The following ZMAT4 variants were observed in gnomAD, a reference collection of about 807,000 sequenced individuals.
ZMAT4 encodes the protein zinc finger matrin-type 4, also known as zinc finger matrin-type protein 4.
A neutral mutation model predicts 28.7 loss-of-function variants in ZMAT4; 17 were observed. That is an observed-to-expected ratio of 0.59 (90% CI 0.41 to 0.89). ZMAT4 has a LOEUF of 0.89. Among genes scored for constraint, ZMAT4 ranks in the 40% least tolerant of loss-of-function variants. ZMAT4 has a pLI of 0.00. For missense variants in ZMAT4, 240 were observed against 283.8 expected (o/e 0.85, Z 1.11); for synonymous variants, 117 against 109.2 (o/e 1.07, Z -0.44).
At chr8:40,549,415 A>G (rs569050301) in intron 6 of ZMAT4, among the ~76,000 whole-genome samples, 1 of 152,314 alleles carries the variant, frequency 6.6e-6, no homozygotes, top group East Asian at 1.9e-4. Flanking sequence ...GCCTTGAATT[A>G]TCTTTTGGCT....
chr8:40,647,484 C>T (rs897935888), intron 5 of ZMAT4, among the ~76,000 whole-genome samples: 131 of 152,270 alleles, frequency 8.6e-4, no homozygotes, highest in African/African-American at 3.0e-3. Context: ...TGCAAGGTGG[C>T]AGCGAGGCTG....
chr8:40,654,468 G>A (rs1187115903), intron 5 of ZMAT4, among the ~76,000 whole-genome samples: 1 of 152,028 alleles, frequency 6.6e-6, no homozygotes, highest in Non-Finnish European at 1.5e-5. Flanking sequence ...CTATAGGTCT[G>A]TATTACCCTG....
At chr8:40,591,221 G>C (rs762500790) in intron 5 of ZMAT4, among the ~76,000 whole-genome samples, 17 of 152,224 alleles carry the variant, frequency 1.1e-4, no homozygotes, top group Non-Finnish European at 1.8e-4. Context: ...CATGTATGAA[G>C]GTGGTGTAGG....
chr8:40,542,293 C>T (rs117098521), intron 6 of ZMAT4, among the ~76,000 whole-genome samples: 5,759 of 152,110 alleles, frequency 0.038, 213 homozygotes, highest in East Asian at 0.17. Flanking sequence ...TGTGGGCCAC[C>T]GAGGGGTCAG....
At chr8:40,637,898 C>T (rs570709706) in intron 5 of ZMAT4, among the ~76,000 whole-genome samples, 2 of 152,188 alleles carry the variant, frequency 1.3e-5, no homozygotes, top group South Asian at 4.1e-4. Context: ...GAAAAATGGT[C>T]ATTTTCAACA....
intron 2 of ZMAT4, among the ~76,000 whole-genome samples, chr8:40,782,279 G>T (rs1813869129): frequency 6.6e-6 from 1 of 152,050 alleles, no homozygotes; most frequent in Admixed American, 6.6e-5. Context: ...CCAGCTGCTT[G>T]GAAGGCTGAG....
In ZMAT4 at chr8:40,651,801, T is replaced by C. The variant is rs533529587; in HGVS notation, c.577+22903A>G. ...CGCATATCTACAACTATCTGATCTT[T>C]GACAAACCTGACAAAAACAAGCAAT... is the stretch of plus-strand genomic sequence containing the variant. On this transcript the variant is annotated intron_variant, in intron 5 of 6. Coordinates refer to ENST00000297737, the MANE Select transcript of ZMAT4 (RefSeq NM_024645.3). Among the ~76,000 whole-genome samples the C allele has an allele frequency of 1.3e-3, 180 of 141,108 alleles. 1 individual carries two copies. Among genetic ancestry groups the C allele is most frequent in the African/African-American group, 3.8e-3 (149 of 38,710 alleles). 92.6% of individuals were successfully genotyped at this position (141,108 alleles called of 152,430 possible). A position where few individuals can be genotyped will look rare whatever the true frequency, so the allele number is the denominator to read the frequency against.
intron 5 of ZMAT4, among the ~76,000 whole-genome samples, chr8:40,633,357 TG>T (rs1315726484): frequency 6.6e-6 from 1 of 152,032 alleles, no homozygotes; most frequent in African/African-American, 2.4e-5. Flanking sequence ...CCCCGATAAG[TG>T]GGAAACCCAT....
At chr8:40,683,791 A>G (rs1483099266) in intron 4 of ZMAT4, among the ~76,000 whole-genome samples, 2 of 152,290 alleles carry the variant, frequency 1.3e-5, no homozygotes, top group East Asian at 3.9e-4. Context: ...CAGACCAGGC[A>G]CAGTGGCTCA....
intron 1 of ZMAT4, among the ~76,000 whole-genome samples, chr8:40,870,667 A>G (rs1817825823): frequency 6.6e-6 from 1 of 152,220 alleles, no homozygotes; most frequent in Non-Finnish European, 1.5e-5. Flanking sequence ...ATAGAGCCCA[A>G]GAATATTTCT....
chr8:40,647,199 C>T (rs534730591), intron 5 of ZMAT4, among the ~76,000 whole-genome samples: 8 of 152,162 alleles, frequency 5.3e-5, no homozygotes, highest in East Asian at 1.9e-4. Flanking sequence ...AGACAGTGGG[C>T]GCAGGTCAGT....
intron 1 of ZMAT4, among the ~76,000 whole-genome samples, chr8:40,871,250 A>G (rs1817844772): frequency 6.6e-6 from 1 of 152,212 alleles, no homozygotes; most frequent in South Asian, 2.1e-4. Context: ...GAGGCCCAAG[A>G]AGAGAAGATT....
chr8:40,679,107 C>G (rs1225491232), intron 4 of ZMAT4, among the ~76,000 whole-genome samples: 1 of 152,120 alleles, frequency 6.6e-6, no homozygotes, highest in Non-Finnish European at 1.5e-5. Context: ...TGAAGCAAGT[C>G]AGTTTTCAAC....
intron 5 of ZMAT4, among the ~76,000 whole-genome samples, chr8:40,600,980 C>A (rs1281540688): frequency 6.6e-6 from 1 of 152,168 alleles, no homozygotes; most frequent in African/African-American, 2.4e-5. Flanking sequence ...AGGCATATGT[C>A]ATAGACTGAT....
chr8:40,853,799 T>C (rs1207137418), intron 1 of ZMAT4, among the ~76,000 whole-genome samples: 1 of 152,194 alleles, frequency 6.6e-6, no homozygotes, highest in Non-Finnish European at 1.5e-5. Context: ...TGTTTTAACA[T>C]CGTTAAGCAA....
chr8:40,550,507 C>T (rs760655420), intron 6 of ZMAT4, among the ~76,000 whole-genome samples: 1 of 152,160 alleles, frequency 6.6e-6, no homozygotes, highest in Non-Finnish European at 1.5e-5. Context: ...CTCTGTGTCT[C>T]CACCCAAATC....
chr8:40,564,705 A>T (rs956659879), intron 6 of ZMAT4, among the ~76,000 whole-genome samples: 7 of 152,206 alleles, frequency 4.6e-5, no homozygotes, highest in African/African-American at 1.7e-4. Context: ...ACATTAGTAG[A>T]GTACATTTTG....
intron 6 of ZMAT4, among the ~76,000 whole-genome samples, chr8:40,540,880 G>A (rs1378791021): frequency 1.3e-5 from 2 of 152,154 alleles, no homozygotes; most frequent in East Asian, 1.9e-4. Flanking sequence ...CAGGTACAGA[G>A]AGCATCCAAG....
At chr8:40,582,866 C>T (rs184651821) in intron 5 of ZMAT4, among the ~76,000 whole-genome samples, 40 of 152,288 alleles carry the variant, frequency 2.6e-4, no homozygotes, top group Non-Finnish European at 4.6e-4. Context: ...GAAACACTTT[C>T]TGTTTGAGTG....
Sources: gnomAD v4.1 joint callset for allele counts (sites outside exome capture counted in the v4.1 genomes callset) on GRCh38, gnomAD v4.1.1 for gene constraint, MANE v1.5 for transcripts, NCBI Gene and HGNC (gene_info 2026-07-23, HGNC 2026-07-21) for gene names.